RBFOX1: variants seen among roughly 807,000 people sequenced by gnomAD.
The protein encoded by RBFOX1 is RNA binding protein fox-1 homolog 1.
A neutral mutation model predicts 57.7 loss-of-function variants in RBFOX1; 8 were observed. The ratio of observed to expected loss-of-function variants is 0.14; its 90% CI spans 0.08 to 0.25. RBFOX1 has a LOEUF of 0.25. Ranked by LOEUF, RBFOX1 falls within the 10% of genes least tolerant of loss-of-function variation. The pLI is 1.00. For synonymous variants in RBFOX1, 326 were observed against 222.4 expected, an observed-to-expected ratio of 1.47 and a Z score of -4.15; for missense variants, 611 against 548.5, an observed-to-expected ratio of 1.11 and a Z score of -1.14.
At chr16:6,018,128 A>C (rs1277230693), upstream of RBFOX1, among the ~76,000 whole-genome samples, 2 of 150,872 alleles carry the variant, frequency 1.3e-5, no homozygotes, top group Non-Finnish European at 3.0e-5. Context: ...GTACAACAAA[A>C]CCCCCTGGAA....
chr16:6,972,939 C>T (rs906047975), intron 3 of RBFOX1, among the ~76,000 whole-genome samples: 1 of 152,116 alleles, frequency 6.6e-6, no homozygotes, highest in Non-Finnish European at 1.5e-5. Context: ...ACTTGGCCAA[C>T]ATGGTGAAAC....
At chr16:6,027,102 T>C (rs12149886) in intron 1 of RBFOX1, among the ~76,000 whole-genome samples, 24,909 of 152,244 alleles carry the variant, frequency 0.16, 2,095 homozygotes, top group Middle Eastern at 0.2. Context: ...TTTTAGAATA[T>C]AGAGTGTCAG....
At chr16:7,024,251 A>C (rs1420810641) in intron 3 of RBFOX1, among the ~76,000 whole-genome samples, 1 of 152,210 alleles carries the variant, frequency 6.6e-6, no homozygotes, top group Non-Finnish European at 1.5e-5. Flanking sequence ...TCTGGACATG[A>C]ATGCACAGAG....
chr16:6,872,297 G>C (rs144970190), intron 3 of RBFOX1, among the ~76,000 whole-genome samples: 1 of 152,146 alleles, frequency 6.6e-6, no homozygotes, highest in Non-Finnish European at 1.5e-5. Context: ...GGGGTAGTTT[G>C]CTTCTCTGCA....
rs2090766507 is a variant in RBFOX1 at position 7,209,854 on chromosome 16, A to G, written c.27+157756A>G. On this transcript the variant is annotated intron_variant, in intron 4 of 15. Coordinates refer to ENST00000550418, the MANE Select transcript of RBFOX1 (RefSeq NM_018723.4). ...ACAAGAGTCTCTCCAGGGAAGCTGA[A>G]GTGGCACACACACTCTCAAGGTCTT... is the stretch of plus-strand genomic sequence containing the variant. 2.0e-5 allele frequency among the ~76,000 whole-genome samples: 3 copies of G among 152,160 alleles called. No homozygotes were observed. The South Asian group carries it at 6.2e-4, about 32-fold the overall frequency.
At position 6,557,384 on chromosome 16, in the gene RBFOX1, C is replaced by T. The variant is rs1290694489; in HGVS notation, c.-63-97219C>T. ...TAAGAATTATACTCAAATCGTATTA[C>T]ATCAAGAAATGGAGATGTGAACCAG... On this transcript the variant is annotated intron_variant, in intron 2 of 15. Coordinates refer to ENST00000550418, the MANE Select transcript of RBFOX1 (RefSeq NM_018723.4). 2.0e-5 allele frequency among the ~76,000 whole-genome samples: 3 copies of T among 152,038 alleles called. No individual in the cohort carries two copies. The East Asian group carries it at 5.8e-4, about 29-fold the overall frequency.
At chr16:6,215,073 G>A (rs1012877004) in intron 1 of RBFOX1, among the ~76,000 whole-genome samples, 3 of 134,700 alleles carry the variant, frequency 2.2e-5, no homozygotes, top group African/African-American at 8.4e-5. Flanking sequence ...GGGACGGGGA[G>A]ATGGGGAGAG....
intron 4 of RBFOX1, among the ~76,000 whole-genome samples, chr16:7,365,558 C>T (rs1195399169): frequency 6.6e-6 from 1 of 152,164 alleles, no homozygotes; most frequent in African/African-American, 2.4e-5. Flanking sequence ...TAGAGTGATG[C>T]TGCTGACATC....
intron 3 of RBFOX1, among the ~76,000 whole-genome samples, chr16:6,888,519 C>T (rs978999939): frequency 3.3e-5 from 5 of 152,114 alleles, no homozygotes; most frequent in Middle Eastern, 3.4e-3. Flanking sequence ...CTCTGTCTAC[C>T]GAGAAATTTT....
chr16:7,542,048 C>T (rs2083095086), intron 5 of RBFOX1, among the ~76,000 whole-genome samples: 1 of 152,176 alleles, frequency 6.6e-6, no homozygotes, highest in Non-Finnish European at 1.5e-5. Context: ...AGTGTGGGTA[C>T]TGGCAGCTTT....
In RBFOX1 at chr16:7,572,552, A is replaced by G. The variant is rs149166607; in HGVS notation, c.271-7225A>G. 7.5e-3 allele frequency among the ~76,000 whole-genome samples: 1,147 copies of G among 152,246 alleles called. 11 individuals carry two copies. The highest frequency in any genetic ancestry group is 0.023 in the African/African-American group (970 of 41,554). ...CAGGATGATCCACCCATCAAAAATA[A>G]TAATAGGCTGGGCGCGGTGGCTCAC... On this transcript the variant is annotated intron_variant, in intron 5 of 15. Coordinates refer to ENST00000550418, the MANE Select transcript of RBFOX1 (RefSeq NM_018723.4).
chr16:7,304,915 G>GGTGTGTGTGTGT (rs59599069), intron 4 of RBFOX1, among the ~76,000 whole-genome samples: 1 of 140,492 alleles, frequency 7.1e-6, no homozygotes. Context: ...TGTGTGGTGT[G>GGTGTGTGTGTGT]GTGTGTGTGT....
intron 2 of RBFOX1, among the ~76,000 whole-genome samples, chr16:6,572,902 A>G (rs1214079442): frequency 6.6e-6 from 1 of 152,100 alleles, no homozygotes; most frequent in East Asian, 1.9e-4. Context: ...CCATCAATAA[A>G]TACTTACTAA....
chr16:6,068,104 T>G (rs565701447), intron 1 of RBFOX1, among the ~76,000 whole-genome samples: 13 of 152,114 alleles, frequency 8.5e-5, no homozygotes, highest in Non-Finnish European at 1.6e-4. Context: ...TTCATTTTTT[T>G]GTCCATTAGT....
intron 4 of RBFOX1, among the ~76,000 whole-genome samples, chr16:5,908,125 TATATATATACAC>T (rs1567133558): frequency 1.2e-4 from 13 of 111,154 alleles, no homozygotes; most frequent in African/African-American, 3.4e-4. Context: ...TATATACACA[TATATATATACAC>T]ATATATACAC....
At chr16:5,830,186 G>A (rs1158125222) in intron 3 of RBFOX1, among the ~76,000 whole-genome samples, 1 of 152,038 alleles carries the variant, frequency 6.6e-6, no homozygotes, top group Non-Finnish European at 1.5e-5. Context: ...CTAATCCAGT[G>A]TTTTGTTAGA....
chr16:7,623,654 G>T (rs1468385333), intron 10 of RBFOX1, among the ~76,000 whole-genome samples: 2 of 152,154 alleles, frequency 1.3e-5, no homozygotes, highest in African/African-American at 4.8e-5. Flanking sequence ...CTGCTGTGTG[G>T]CCCAGTAGGG....
intron 1 of RBFOX1, among the ~76,000 whole-genome samples, chr16:5,329,289 G>C (rs1043949952): frequency 2.0e-5 from 3 of 152,196 alleles, no homozygotes; most frequent in South Asian, 2.1e-4. Context: ...TGACTGGGGA[G>C]ACCTCGAGAA....
intron 3 of RBFOX1, among the ~76,000 whole-genome samples, chr16:7,031,525 G>C (rs1369165856): frequency 2.0e-5 from 3 of 151,996 alleles, no homozygotes. Context: ...GAACCCGTAA[G>C]GTGGAGGCTG....
Sources: gnomAD v4.1 joint callset for allele counts (sites outside exome capture counted in the v4.1 genomes callset) on GRCh38, gnomAD v4.1.1 for gene constraint, MANE v1.5 for transcripts, NCBI Gene and HGNC (gene_info 2026-07-23, HGNC 2026-07-21) for gene names.